Variants in GEMIN5 observed in about 807,000 individuals in gnomAD.
GEMIN5 encodes the protein gem-associated protein 5.
In GEMIN5, 124 loss-of-function variants were observed where a neutral mutation model predicts 176.9. The ratio of observed to expected loss-of-function variants is 0.70; its 90% CI spans 0.61 to 0.81. The LOEUF (loss-of-function observed/expected upper bound fraction) is 0.81, where lower values mean the gene tolerates loss of function less well. Ranked by LOEUF, GEMIN5 falls within the 40% of genes least tolerant of loss-of-function variation. The pLI is 0.00. For synonymous variants in GEMIN5, 673 were observed against 665.2 expected (o/e 1.01, Z -0.18); for missense variants, 1,843 against 1,814.6 (o/e 1.02, Z -0.28).
At chr5:154,911,933 T>G (rs751002396) in intron 14 of GEMIN5, 35 bp from the exon 15 acceptor site, 5 of 1,591,450 alleles carry the variant, frequency 3.1e-6, no homozygotes, top group East Asian at 4.5e-5. Flanking sequence ...AAAGACATTT[T>G]CTGGTTATTC....
In GEMIN5 at chr5:154,928,668, T is replaced by C. The variant is rs1554103201; in HGVS notation, c.782-9A>G. 2 of 1,613,484 alleles carry C rather than the reference T, an allele frequency of 1.2e-6. No homozygotes were observed. Among genetic ancestry groups the C allele is most frequent in the Non-Finnish European group, 1.7e-6 (2 of 1,179,632 alleles). On this transcript the variant is annotated splice_polypyrimidine_tract_variant and intron_variant, in intron 5 of 27. Coordinates refer to ENST00000285873, the MANE Select transcript of GEMIN5 (RefSeq NM_015465.5). Reference sequence around the variant, plus strand: ...TTTCAAAATCATCACCCCTGCAGATTAAAAAGAAGGCCAGTGGGCACTCAA... The same window carrying C: ...TTTCAAAATCATCACCCCTGCAGATCAAAAAGAAGGCCAGTGGGCACTCAA...
intron 11 of GEMIN5, 105 bp downstream of exon 11, chr5:154,919,862 G>A: frequency 1.1e-6 from 1 of 948,788 alleles, no homozygotes; most frequent in East Asian, 2.4e-5. Flanking sequence ...ATCTGACTTA[G>A]TATGATGATG....
rs144152068 is a variant in GEMIN5 at position 154,917,977 on chromosome 5, T to C, written c.1627A>G (p.Ser543Gly). 659 of 1,612,080 alleles carry C rather than the reference T, an allele frequency of 4.1e-4. 1 individual carries two copies. The highest frequency in any genetic ancestry group is 5.2e-4 in the Non-Finnish European group (607 of 1,178,260). Residue 543 changes from serine (S) to glycine (G), a missense_variant, in exon 12 of 28, where the codon AGT (serine) becomes GGT (glycine). Coordinates refer to ENST00000285873, the MANE Select transcript of GEMIN5 (RefSeq NM_015465.5). ...KYKLPVHTEI[S>G]WKADGKIMAL... The stretch of plus-strand genomic sequence containing the variant: ...ATGATTTTGCCATCTGCTTTCCAAC[T>C]TATCTCTGTGTGTACAGGCAATTTG...
intron 26 of GEMIN5, among the ~76,000 whole-genome samples, chr5:154,890,325 T>A (rs1347141778): frequency 1.3e-5 from 2 of 152,164 alleles, no homozygotes; most frequent in African/African-American, 4.8e-5. Context: ...TTTTACCTTT[T>A]ATTTTTAATA....
chr5:154,894,264 A>G (rs1357074681), intron 24 of GEMIN5, among the ~76,000 whole-genome samples: 1 of 152,144 alleles, frequency 6.6e-6, no homozygotes, highest in African/African-American at 2.4e-5. Flanking sequence ...GTTAAACAGT[A>G]TAGTATTTCA....
rs200994747 is a variant in GEMIN5, at chr5:154,896,126, T to A, written c.3563A>T (p.Tyr1188Phe). The A allele has an allele frequency of 8.1e-6, 13 of 1,613,866 alleles. No homozygotes were observed. In the Admixed American group the frequency reaches 1.7e-4, roughly 21 times the overall value. Residue 1188 changes from tyrosine to phenylalanine, a missense_variant, in exon 24 of 28, where the codon TAC (tyrosine) becomes TTC (phenylalanine). Physicochemically the swap from Tyr to Phe is conservative, Grantham distance 22. Transcript: ENST00000285873. ...AGGTGTGTTATTTGTAGCAGATGGG[T>A]ACTTGATGTTCTGCAGCTTCTGAAA... ...EAFQKLQNIK[Y>F]PSATNNTPAK... is the part of the protein sequence containing the mutation.
At chr5:154,936,152 C>G (rs964067486) in intron 2 of GEMIN5, 130 bp from the exon 3 acceptor site, 15 of 612,358 alleles carry the variant, frequency 2.4e-5, no homozygotes, top group Non-Finnish European at 3.9e-5. Context: ...CGCGGTGGCT[C>G]ACGCCTGTAA....
At chr5:154,930,836 CA>C (rs930119833) in intron 5 of GEMIN5, among the ~76,000 whole-genome samples, 3 of 149,812 alleles carry the variant, frequency 2.0e-5, no homozygotes, top group African/African-American at 7.3e-5. Context: ...AAAAAACTGC[CA>C]AAAAAAATAA....
chr5:154,895,635 T>C (rs1227880336), intron 24 of GEMIN5, among the ~76,000 whole-genome samples: 1 of 152,018 alleles, frequency 6.6e-6, no homozygotes, highest in Non-Finnish European at 1.5e-5. Context: ...AAAGTAAAAA[T>C]GACAAAATGT....
chr5:154,912,493 T>C (rs1763722252), intron 14 of GEMIN5, among the ~76,000 whole-genome samples: 1 of 152,220 alleles, frequency 6.6e-6, no homozygotes, highest in Admixed American at 6.5e-5. Flanking sequence ...TGGCATTTCA[T>C]CTTTATTTAT....
In GEMIN5 at chr5:154,935,878, T is replaced by G; in HGVS notation, c.472A>C (p.Thr158Pro). 6.2e-7 allele frequency: 1 copy of G among 1,613,784 alleles called. No homozygotes were observed. Among genetic ancestry groups the G allele is most frequent in the Non-Finnish European group, 8.5e-7 (1 of 1,179,694 alleles). Residue 158 changes from threonine to proline, a missense_variant, in exon 3 of 28, where the codon ACT becomes CCT. Coordinates refer to ENST00000285873, the MANE Select transcript of GEMIN5 (RefSeq NM_015465.5). ...AAATCTTCATGATGAGGTGAACAAG[T>G]AAGACAGAAAATTGTCCTGGGTTCT... ...FIEPRTIFCL[T>P]CSPHHEDLVA...
At chr5:154,919,787 G>C (rs1431509438) in intron 11 of GEMIN5, among the ~76,000 whole-genome samples, 180 bp downstream of exon 11, 2 of 151,832 alleles carry the variant, frequency 1.3e-5, no homozygotes, top group African/African-American at 4.8e-5. Flanking sequence ...TTTTATTCGA[G>C]GATAAAGACT....
In GEMIN5 at chr5:154,917,855, C is replaced by G. The variant is rs1763843719; in HGVS notation, c.1673+76G>C. 5.3e-6 allele frequency: 5 copies of G among 943,170 alleles called. No homozygotes were observed. The East Asian group carries it at 1.2e-4, about 23-fold the overall frequency. The allele number at this position is 943,170 out of a possible 1,614,324, so 58.4% of individuals were successfully genotyped here. A position where few individuals can be genotyped will look rare whatever the true frequency, so the allele number is the denominator to read the frequency against. On this transcript the variant is annotated intron_variant, in intron 12 of 27. Transcript: ENST00000285873. The stretch of plus-strand genomic sequence containing the variant: ...AACTGGGCCGCCCCAGCTAACATTA[C>G]AGATGGCATTAGTCAGCTTGTGATC...
chr5:154,901,500 AG>A lies in GEMIN5; in HGVS notation c.2867-15del, dbSNP rs1212756623. 6.2e-7 allele frequency: 1 copy of A among 1,612,396 alleles called. No homozygotes were observed. Among genetic ancestry groups the A allele is most frequent in the Non-Finnish European group, 8.5e-7 (1 of 1,179,354 alleles). On this transcript the variant is annotated splice_polypyrimidine_tract_variant and intron_variant, in intron 20 of 27. Transcript: ENST00000285873. Reference sequence around the variant, plus strand: ...CATGGTAGCCAGCTGAAAAAATAAAAGATGGTGGTTAAAAAAACAGTTGAAG... The same window carrying A: ...CATGGTAGCCAGCTGAAAAAATAAAAATGGTGGTTAAAAAAACAGTTGAAG...
At chr5:154,899,666 G>C (rs1049562011) in intron 21 of GEMIN5, among the ~76,000 whole-genome samples, 2 of 152,046 alleles carry the variant, frequency 1.3e-5, no homozygotes, top group East Asian at 3.9e-4. Flanking sequence ...TGCCAAAGCA[G>C]TGATTGGGAA....
At position 154,935,709 on chromosome 5, in the gene GEMIN5, G is replaced by A. The variant is rs573819043; in HGVS notation, c.509+132C>T. The A allele has an allele frequency of 6.6e-5, 42 of 632,174 alleles. 1 individual carries two copies. The South Asian group carries it at 8.0e-4, about 12-fold the overall frequency. 39.2% of individuals were successfully genotyped at this position (632,174 alleles called of 1,614,324 possible). ...AGACCTGGAGGAATAAATGATGCCA[G>A]GGGCTCAGGGGGAGTGGTTAACATC... On this transcript the variant is annotated intron_variant, in intron 3 of 27. Coordinates refer to ENST00000285873, the MANE Select transcript of GEMIN5 (RefSeq NM_015465.5).
In GEMIN5 at chr5:154,896,318, A is replaced by G; in HGVS notation, c.3371T>C (p.Leu1124Pro). 6.3e-7 allele frequency: 1 copy of G among 1,593,378 alleles called. No homozygotes were observed. The highest frequency in any genetic ancestry group is 1.1e-5 in the South Asian group (1 of 88,188). The change falls in exon 24 of 28, where the codon CTG (leucine) becomes CCG (proline). Residue 1124 changes from leucine (L) to proline (P), a missense_variant. Coordinates refer to ENST00000285873, the MANE Select transcript of GEMIN5 (RefSeq NM_015465.5). ...LQGQRLVFCL[L>P]ELLSRHLEEK... ...CTCCAGATGCCTGGACAGTAGCTCC[A>G]GAAGGCAAAACACCAATCTCTGACC... is the stretch of plus-strand genomic sequence containing the variant.
At chr5:154,915,882 T>C (rs979062552) in intron 13 of GEMIN5, among the ~76,000 whole-genome samples, 1 of 150,422 alleles carries the variant, frequency 6.6e-6, no homozygotes. Flanking sequence ...TTCTAGAATT[T>C]TCTATACAAA....
intron 21 of GEMIN5, among the ~76,000 whole-genome samples, chr5:154,899,608 T>C (rs942071786): frequency 2.8e-5 from 2 of 70,224 alleles, no homozygotes; most frequent in African/African-American, 9.2e-5. Context: ...GTCAGTTATG[T>C]GCTTTTTTAT....
Sources: gnomAD v4.1 joint callset for allele counts (sites outside exome capture counted in the v4.1 genomes callset) on GRCh38, gnomAD v4.1.1 for gene constraint, MANE v1.5 for transcripts, NCBI Gene and HGNC (gene_info 2026-07-23, HGNC 2026-07-21) for gene names.